The following FANCE variants were observed in gnomAD, a reference collection of about 807,000 sequenced individuals.
FANCE encodes the protein FA complementation group E.
In FANCE, 42 loss-of-function variants were observed where a neutral mutation model predicts 57.8. That is an observed-to-expected ratio of 0.73 (90% CI 0.57 to 0.94). The LOEUF is 0.94. FANCE is among the 40% of genes least tolerant of loss of function. FANCE has a pLI of 0.00. For missense variants in FANCE, 608 were observed against 661.8 expected, an observed-to-expected ratio of 0.92 and a Z score of 0.89; for synonymous variants, 251 against 286.4, an observed-to-expected ratio of 0.88 and a Z score of 1.25.
Position 35,455,808 on chromosome 6 carries a change from G to C in FANCE, c.310G>C (p.Ala104Pro), listed in dbSNP as rs772722486. Reference sequence around the variant, plus strand: ...GAGGAACCTGATGTCCCTGCTGATGGCCGTTCGGCCATCGCTGCCGGAAAG... The same window carrying C: ...GAGGAACCTGATGTCCCTGCTGATGCCCGTTCGGCCATCGCTGCCGGAAAG... ...CQRNLMSLLM[A>P]VRPSLPESGL... The change falls in exon 2 of 10, where the codon GCC becomes CCC. Residue 104 changes from alanine (A) to proline (P), a missense_variant. Coordinates refer to ENST00000229769, the MANE Select transcript of FANCE (RefSeq NM_021922.3). 15 of 1,614,164 alleles carry C rather than the reference G, an allele frequency of 9.3e-6. No individual in the cohort carries two copies. The highest frequency in any genetic ancestry group is 1.3e-5 in the Non-Finnish European group (15 of 1,180,028).
Position 35,461,360 on chromosome 6 carries a change from G to A in FANCE, c.1383+742G>A, listed in dbSNP as rs118006603. On this transcript the variant is annotated intron_variant, in intron 8 of 9. Coordinates refer to ENST00000229769, the MANE Select transcript of FANCE (RefSeq NM_021922.3). ...AATTTTAAAAGCTCAAAAGGATACAGTGAAAAATATTCCCCTTACTTCTCT... is the reference window on the plus strand; with the variant it reads ...AATTTTAAAAGCTCAAAAGGATACAATGAAAAATATTCCCCTTACTTCTCT... Among the ~76,000 whole-genome samples, 4 of 152,280 alleles carry A rather than the reference G, an allele frequency of 2.6e-5. No homozygotes were observed. The East Asian group carries it at 7.7e-4, about 29-fold the overall frequency.
intron 9 of FANCE, 43 bp from the exon 10 acceptor site, chr6:35,466,201 G>A (rs745981155): frequency 8.0e-7 from 1 of 1,253,422 alleles, no homozygotes; most frequent in Non-Finnish European, 1.2e-6. Flanking sequence ...AGACGGGAGG[G>A]ATCAGTTGCT....
At chr6:35,455,694 T>G in intron 1 of FANCE, 53 bp from the exon 2 acceptor site, 1 of 1,607,426 alleles carries the variant, frequency 6.2e-7, no homozygotes, top group South Asian at 1.1e-5. Context: ...CCAGTCTGCC[T>G]TGTGCTCCCT....
chr6:35,459,785 T>C, intron 7 of FANCE, 25 bp downstream of exon 7: 1 of 1,601,146 alleles, frequency 6.2e-7, no homozygotes, highest in Non-Finnish European at 8.6e-7. Context: ...CTCCGTGCTG[T>C]CCCCACTGCC....
In FANCE at chr6:35,459,464, G is replaced by C; in HGVS notation, c.1237+10G>C. The C allele has an allele frequency of 1.2e-6, 2 of 1,613,794 alleles. No homozygotes were observed. The highest frequency in any genetic ancestry group is 1.7e-6 in the Non-Finnish European group (2 of 1,179,986). ...CAGGCCCCAGGCACAGGTAATTCTG[G>C]AACCAGCCCCAGGCCCAGTAGCTCT... On this transcript the variant is annotated intron_variant, in intron 6 of 9. Transcript: ENST00000229769.
Position 35,454,577 on chromosome 6 carries a change from A to G in FANCE, c.249-1170A>G, listed in dbSNP as rs145488819. On this transcript the variant is annotated intron_variant, in intron 1 of 9. Coordinates refer to ENST00000229769, the MANE Select transcript of FANCE (RefSeq NM_021922.3). ...TGCCACACCACGCCTCAGGTCACGT[A>G]GGATCTGGGTTTGTGCCTCAGCAGA... Among the ~76,000 whole-genome samples the G allele has an allele frequency of 1.1e-4, 17 of 152,278 alleles. No homozygotes were observed. In the East Asian group the frequency reaches 3.3e-3, roughly 29 times the overall value.
At chr6:35,466,088 G>A (rs1226336287) in intron 9 of FANCE, among the ~76,000 whole-genome samples, 156 bp from the exon 10 acceptor site, 2 of 152,178 alleles carry the variant, frequency 1.3e-5, no homozygotes, top group East Asian at 1.9e-4. Flanking sequence ...GGTCTACCTC[G>A]TTAACCATGG....
In FANCE at chr6:35,466,514, C is replaced by T. The variant is rs1767844754; in HGVS notation, c.*169C>T. 1.5e-6 allele frequency: 1 copy of T among 654,942 alleles called. No homozygotes were observed. Among genetic ancestry groups the T allele is most frequent in the South Asian group, 1.6e-5 (1 of 60,740 alleles). 40.6% of individuals were successfully genotyped at this position (654,942 alleles called of 1,614,324 possible). ...AGGCTGCATAGGGAATATTGGCTTC[C>T]CAGCCAGCAGGGAGGCTCCTGGGCT... On this transcript the variant is annotated 3_prime_UTR_variant, in exon 10 of 10. Coordinates refer to ENST00000229769, the MANE Select transcript of FANCE (RefSeq NM_021922.3).
chr6:35,459,590 T>TA lies in FANCE; in HGVS notation c.1238-90dup, dbSNP rs570361524. On this transcript the variant is annotated intron_variant, in intron 6 of 9. Transcript: ENST00000229769. The stretch of plus-strand genomic sequence containing the variant: ...TGCTGCTTCCCTGACAATGCCCCTG[T>TA]AACAGGCTGGGCATTCTGTTACCGC... 1.7e-4 allele frequency: 270 copies of TA among 1,570,658 alleles called. No individual in the cohort carries two copies. In the African/African-American group the frequency reaches 3.4e-3, roughly 20 times the overall value.
rs45584740 is a variant in FANCE at position 35,466,560 on chromosome 6, TC to T, written c.*216del. The T allele has an allele frequency of 0.058, 32,724 of 563,812 alleles. 2,502 individuals carry two copies. Among genetic ancestry groups the T allele is most frequent in the African/African-American group, 0.24 (12,585 of 53,066 alleles). 34.9% of individuals were successfully genotyped at this position (563,812 alleles called of 1,614,324 possible). Reference sequence around the variant, plus strand: ...GGGCTAAGGGAGCTCAGCTATATTTTCTTTTTCATTTCTTTTGTTTTTGAGA... The same window carrying T: ...GGGCTAAGGGAGCTCAGCTATATTTTTTTTTCATTTCTTTTGTTTTTGAGA... On this transcript the variant is annotated 3_prime_UTR_variant, in exon 10 of 10. Transcript: ENST00000229769.
rs45600543 is a variant in FANCE at position 35,455,764 on chromosome 6, G to A, written c.266G>A (p.Arg89Gln). 1.2e-6 allele frequency: 2 copies of A among 1,613,920 alleles called. No individual in the cohort carries two copies. The highest frequency in any genetic ancestry group is 2.7e-5 in the African/African-American group (2 of 74,916). ...GRLELKPLLL[R>Q]LPRICQRNLM... ...CTACCCAGGAAACCACTGTTGCTGCGATTGCCCCGGATATGCCAGAGGAAC... is the reference window on the plus strand; with the variant it reads ...CTACCCAGGAAACCACTGTTGCTGCAATTGCCCCGGATATGCCAGAGGAAC... The change falls in exon 2 of 10, where the codon CGA (arginine) becomes CAA (glutamine). Residue 89 changes from arginine (R) to glutamine (Q), a missense_variant. Coordinates refer to ENST00000229769, the MANE Select transcript of FANCE (RefSeq NM_021922.3).
In FANCE at chr6:35,456,934, T is replaced by G. The variant is rs1209548773; in HGVS notation, c.855+581T>G. Among the ~76,000 whole-genome samples the G allele has an allele frequency of 6.6e-6, 1 of 152,176 alleles. No individual in the cohort carries two copies. The highest frequency in any genetic ancestry group is 1.5e-5 in the Non-Finnish European group (1 of 68,038). ...AAGGGAGAGGCTCTGGAGCCACCCC[T>G]GCTACCCCGTCATATGTGGGTGGGA... On this transcript the variant is annotated intron_variant, in intron 2 of 9. Coordinates refer to ENST00000229769, the MANE Select transcript of FANCE (RefSeq NM_021922.3). This position sits in a 1 kb window ranked among gnomAD's most constrained non-coding sequence, Gnocchi z 4.3.
intron 1 of FANCE, among the ~76,000 whole-genome samples, chr6:35,453,455 T>A (rs1767194646): frequency 6.6e-6 from 1 of 152,158 alleles, no homozygotes. Flanking sequence ...ACGTGCTTAT[T>A]TGTGAGGACA....
chr6:35,454,869 C>G (rs1047249310), intron 1 of FANCE, among the ~76,000 whole-genome samples: 2 of 152,226 alleles, frequency 1.3e-5, no homozygotes, highest in Non-Finnish European at 2.9e-5. Flanking sequence ...TCTCAGCACA[C>G]TTAGAGAGTT....
At position 35,455,821 on chromosome 6, in the gene FANCE, C is replaced by G. The variant is rs1056219211; in HGVS notation, c.323C>G (p.Ser108Trp). 6 of 1,614,088 alleles carry G rather than the reference C, an allele frequency of 3.7e-6. No homozygotes were observed. Among genetic ancestry groups the G allele is most frequent in the Non-Finnish European group, 5.1e-6 (6 of 1,180,036 alleles). Residue 108 changes from serine (S) to tryptophan (W), a missense_variant, in exon 2 of 10, where the codon TCG becomes TGG. Ser to Trp is a radical substitution (Grantham distance 177). Transcript: ENST00000229769. Reference protein sequence around the residue: ...LMSLLMAVRPSLPESGLLSVL... With the variant: ...LMSLLMAVRPWLPESGLLSVL... ...TCCCTGCTGATGGCCGTTCGGCCAT[C>G]GCTGCCGGAAAGTGGGCTCCTCTCT...
At chr6:35,461,752 A>G (rs991446118) in intron 8 of FANCE, among the ~76,000 whole-genome samples, 2 of 149,538 alleles carry the variant, frequency 1.3e-5, no homozygotes, top group Non-Finnish European at 3.0e-5. Context: ...GGTTCACGCC[A>G]TTCTCCTGCC....
chr6:35,458,271 T>G lies in FANCE; in HGVS notation c.970-26T>G, dbSNP rs192832780. 2.4e-4 allele frequency: 393 copies of G among 1,612,348 alleles called. 1 individual carries two copies. In the African/African-American group the frequency reaches 4.8e-3, roughly 20 times the overall value. Reference sequence around the variant, plus strand: ...AGGCAGAGTGCATGTCCCGGTGTCCTCTCTCCCCCCGCACTCTGTAAGCAG... The same window carrying G: ...AGGCAGAGTGCATGTCCCGGTGTCCGCTCTCCCCCCGCACTCTGTAAGCAG... On this transcript the variant is annotated intron_variant, in intron 4 of 9. Transcript: ENST00000229769.
At chr6:35,460,049 G>A (rs914237102) in intron 7 of FANCE, among the ~76,000 whole-genome samples, 9 of 148,570 alleles carry the variant, frequency 6.1e-5, no homozygotes, top group African/African-American at 2.2e-4. Context: ...AGTTGTATGA[G>A]CTCTGCAACA....
rs147251414 is a variant in FANCE at position 35,462,110 on chromosome 6, A to T, written c.1384-679A>T. Among the ~76,000 whole-genome samples the T allele has an allele frequency of 9.1e-4, 105 of 115,784 alleles. 1 individual carries two copies. In the Middle Eastern group the frequency reaches 0.013, roughly 14 times the overall value. The allele number at this position is 115,784 out of a possible 152,430, so 76.0% of individuals were successfully genotyped here. A position where few individuals can be genotyped will look rare whatever the true frequency, so the allele number is the denominator to read the frequency against. On this transcript the variant is annotated intron_variant, in intron 8 of 9. Transcript: ENST00000229769. ...ACAGTGTTTATTAAATAATAATAATAATTATTATTTTTTTTGAGACGGAGT... is the reference window on the plus strand; with the variant it reads ...ACAGTGTTTATTAAATAATAATAATTATTATTATTTTTTTTGAGACGGAGT...
Sources: allele counts gnomAD v4.1 joint callset (sites outside exome capture counted in the v4.1 genomes callset), GRCh38; gene constraint gnomAD v4.1.1; non-coding constraint Gnocchi (gnomAD v3.1); transcripts MANE v1.5; gene names NCBI Gene and HGNC (gene_info 2026-07-23, HGNC 2026-07-21).